ABCB11: variants seen among roughly 807,000 people sequenced by gnomAD.
The protein encoded by ABCB11 is bile salt export pump.
Under a neutral mutation model 148.0 loss-of-function variants are expected in ABCB11, and 95 were observed. The ratio of observed to expected loss-of-function variants is 0.64; its 90% CI spans 0.54 to 0.76. The LOEUF is 0.76. ABCB11 is among the 30% of genes least tolerant of loss of function. ABCB11 has a pLI of 0.00. For synonymous variants in ABCB11, 591 were observed against 555.4 expected (o/e 1.06, Z -0.90); for missense variants, 1,523 against 1,617.8 (o/e 0.94, Z 1.01).
chr2:168,940,128 G>C (rs1396291037), intron 21 of ABCB11, among the ~76,000 whole-genome samples: 2 of 152,018 alleles, frequency 1.3e-5, no homozygotes, highest in Admixed American at 6.6e-5. Context: ...AAGTGTTCAA[G>C]TGAAATAAAG....
intron 19 of ABCB11, among the ~76,000 whole-genome samples, chr2:168,949,174 C>T (rs1277735855): frequency 6.6e-6 from 1 of 151,562 alleles, no homozygotes; most frequent in East Asian, 1.9e-4. Context: ...GCCAAGAAAA[C>T]ATGATCACAT....
At chr2:168,974,675 C>G (rs2105970079) in intron 12 of ABCB11, among the ~76,000 whole-genome samples, 1 of 152,010 alleles carries the variant, frequency 6.6e-6, no homozygotes, top group East Asian at 1.9e-4. Flanking sequence ...CATACTCGTA[C>G]TATGAATAAA....
chr2:168,960,714 G>A (rs115324994), intron 18 of ABCB11, among the ~76,000 whole-genome samples: 376 of 151,688 alleles, frequency 2.5e-3, no homozygotes, highest in African/African-American at 8.8e-3. Context: ...TAGAAAATCT[G>A]TCCCTAAATA....
intron 17 of ABCB11, among the ~76,000 whole-genome samples, chr2:168,967,796 T>C (rs1032149384): frequency 6.6e-6 from 1 of 151,948 alleles, no homozygotes; most frequent in Non-Finnish European, 1.5e-5. Context: ...TTATTGAAAC[T>C]CTTAAACCAG....
Position 169,013,335 on chromosome 2 carries a change from T to C in ABCB11, c.326A>G (p.Asn109Ser). The change falls in exon 5 of 28, where the codon AAT (asparagine) becomes AGT (serine). Residue 109 changes from asparagine to serine, a missense_variant. Coordinates refer to ENST00000650372, the MANE Select transcript of ABCB11 (RefSeq NM_003742.4). ...ELQIPGKACV[N>S]NTIVWTNSSL... ...ACTGTTAGTCCATACAATGGTGTTA[T>C]TCACACATGCTTTTCCTGGAATCTG... The C allele has an allele frequency of 6.2e-7, 1 of 1,613,830 alleles. No individual in the cohort carries two copies. The highest frequency in any genetic ancestry group is 1.7e-4 in the Middle Eastern group (1 of 6,060).
intron 12 of ABCB11, 107 bp downstream of exon 12, chr2:168,976,470 T>C: frequency 1.6e-6 from 1 of 614,934 alleles, no homozygotes; most frequent in Non-Finnish European, 2.8e-6. Context: ...CCATTCCCTA[T>C]TACTGGAAAC....
intron 19 of ABCB11, among the ~76,000 whole-genome samples, chr2:168,954,504 T>G (rs1267898436): frequency 1.3e-5 from 2 of 151,540 alleles, no homozygotes; most frequent in Non-Finnish European, 3.0e-5. Flanking sequence ...ACAAAATTCT[T>G]GGCTGACAGT....
chr2:169,010,120 T>C (rs138061105), intron 5 of ABCB11, among the ~76,000 whole-genome samples: 275 of 152,288 alleles, frequency 1.8e-3, no homozygotes, highest in African/African-American at 6.4e-3. Flanking sequence ...TCCTTCCAAA[T>C]TACACCAGGG....
intron 4 of ABCB11, 30 bp downstream of exon 4, chr2:169,014,273 C>G (rs1393252603): frequency 2.5e-6 from 4 of 1,599,280 alleles, no homozygotes; most frequent in Admixed American, 1.7e-5. Context: ...GCTGCACACC[C>G]ACTGCCATAA....
intron 5 of ABCB11, among the ~76,000 whole-genome samples, chr2:169,005,379 G>A (rs187158727): frequency 1.2e-4 from 18 of 152,214 alleles, no homozygotes; most frequent in Admixed American, 9.2e-4. Context: ...TGCAGCTGCT[G>A]TGGGGGATGG....
intron 1 of ABCB11, among the ~76,000 whole-genome samples, chr2:169,023,192 C>T (rs1430003641): frequency 2.0e-5 from 3 of 152,258 alleles, no homozygotes; most frequent in Admixed American, 1.3e-4. Flanking sequence ...TACCCCAGAT[C>T]CCAGAATATC....
At chr2:168,954,793 T>C (rs903295123) in intron 19 of ABCB11, among the ~76,000 whole-genome samples, 1 of 151,660 alleles carries the variant, frequency 6.6e-6, no homozygotes, top group Non-Finnish European at 1.5e-5. Flanking sequence ...GAGGTTGTTA[T>C]TGATGATTTT....
At chr2:169,005,918 CT>C (rs1695004863) in intron 5 of ABCB11, among the ~76,000 whole-genome samples, 1 of 152,060 alleles carries the variant, frequency 6.6e-6, no homozygotes, top group Non-Finnish European at 1.5e-5. Flanking sequence ...CAATCAAAAA[CT>C]TTCAACAACA....
chr2:168,939,687 GA>G (rs1368891548), intron 21 of ABCB11, among the ~76,000 whole-genome samples: 1 of 151,886 alleles, frequency 6.6e-6, no homozygotes, highest in Non-Finnish European at 1.5e-5. Context: ...TATAAAAAAA[GA>G]AAAGAAAAGA....
Position 169,013,541 on chromosome 2 carries a change from A to G in ABCB11, c.151-31T>C. The G allele has an allele frequency of 1.9e-6, 3 of 1,574,346 alleles. No individual in the cohort carries two copies. The South Asian group carries it at 3.4e-5, about 18-fold the overall frequency. On this transcript the variant is annotated intron_variant, in intron 4 of 27. Coordinates refer to ENST00000650372, the MANE Select transcript of ABCB11 (RefSeq NM_003742.4). ...AAAACAAAGGGTTCAGAGATCATCT[A>G]TGGGTGAAGAGCAGGAGAGGTAGGA...
At chr2:168,929,221 A>C (rs78059402) in intron 25 of ABCB11, among the ~76,000 whole-genome samples, 1,610 of 152,292 alleles carry the variant, frequency 0.011, 31 homozygotes, top group African/African-American at 0.036. Context: ...GGGGGTAAAA[A>C]CTAGAAAAAG....
At chr2:168,968,801 T>A (rs1393745703) in intron 16 of ABCB11, among the ~76,000 whole-genome samples, 3 of 136,834 alleles carry the variant, frequency 2.2e-5, no homozygotes, top group African/African-American at 8.5e-5. Context: ...AAAAAAAAAA[T>A]GATAGAAACA....
intron 19 of ABCB11, among the ~76,000 whole-genome samples, chr2:168,947,943 T>A (rs1328875141): frequency 6.9e-6 from 1 of 144,354 alleles, no homozygotes; most frequent in African/African-American, 2.6e-5. Context: ...TTGAATCTCT[T>A]TTTTTTTTTA....
intron 5 of ABCB11, among the ~76,000 whole-genome samples, chr2:169,009,279 G>A (rs977463787): frequency 1.8e-4 from 27 of 152,160 alleles, no homozygotes; most frequent in Admixed American, 9.8e-4. Flanking sequence ...ACATGCACAC[G>A]TATGTTTATT....
Sources: allele counts gnomAD v4.1 joint callset (sites outside exome capture counted in the v4.1 genomes callset), GRCh38; gene constraint gnomAD v4.1.1; transcripts MANE v1.5; gene names NCBI Gene and HGNC (gene_info 2026-07-23, HGNC 2026-07-21).